TRPM3: variants seen among roughly 807,000 people sequenced by gnomAD.
TRPM3 encodes transient receptor potential cation channel subfamily M member 3.
TRPM3 carries 77 observed loss-of-function variants against 181.2 expected under a neutral mutation model. The observed-to-expected ratio is 0.42, with a 90% CI of 0.35 to 0.51. The LOEUF (loss-of-function observed/expected upper bound fraction) is 0.51. Ranked by LOEUF, TRPM3 falls within the 20% of genes least tolerant of loss-of-function variation. The pLI is 0.01. For missense variants in TRPM3, 1,759 were observed against 2,196.7 expected (o/e 0.80, Z 3.98); for synonymous variants, 745 against 796.4 (o/e 0.94, Z 1.09).
intron 1 of TRPM3, among the ~76,000 whole-genome samples, chr9:71,368,100 A>C (rs971358325): frequency 4.1e-5 from 6 of 147,718 alleles, no homozygotes; most frequent in Non-Finnish European, 4.5e-5. Flanking sequence ...GGTTACACCT[A>C]AACATCTGAA....
intron 3 of TRPM3, among the ~76,000 whole-genome samples, chr9:70,857,684 G>A (rs1054313370): frequency 2.6e-5 from 4 of 152,290 alleles, no homozygotes; most frequent in Admixed American, 6.5e-5. Context: ...GAACTATGTT[G>A]TTAAATAACT....
intron 1 of TRPM3, among the ~76,000 whole-genome samples, chr9:70,956,027 A>G (rs1387855454): frequency 6.6e-6 from 1 of 152,154 alleles, no homozygotes; most frequent in African/African-American, 2.4e-5. Flanking sequence ...ATGAGTTTTT[A>G]TATCAGAGGA....
At chr9:71,087,139 C>T (rs116991093) in intron 1 of TRPM3, among the ~76,000 whole-genome samples, 1 of 152,092 alleles carries the variant, frequency 6.6e-6, no homozygotes, top group Non-Finnish European at 1.5e-5. Flanking sequence ...AGACCCTCAT[C>T]CCTCAGCAAG....
At chr9:71,138,257 T>G (rs2074889170) in intron 1 of TRPM3, among the ~76,000 whole-genome samples, 1 of 152,208 alleles carries the variant, frequency 6.6e-6, no homozygotes, top group Admixed American at 6.5e-5. Context: ...AAGGTCTCTA[T>G]GGCAACTTTC....
chr9:71,318,588 T>C (rs898818750), intron 1 of TRPM3, among the ~76,000 whole-genome samples: 3 of 152,158 alleles, frequency 2.0e-5, no homozygotes, highest in African/African-American at 7.2e-5. Flanking sequence ...ACTAACAATC[T>C]GTAACCATAA....
intron 1 of TRPM3, among the ~76,000 whole-genome samples, chr9:70,982,131 C>A (rs1306697492): frequency 6.6e-6 from 1 of 152,196 alleles, no homozygotes; most frequent in South Asian, 2.1e-4. Flanking sequence ...CAAATATTTT[C>A]TTTTCCTTCT....
intron 1 of TRPM3, among the ~76,000 whole-genome samples, chr9:70,979,576 A>C (rs764590755): frequency 1.8e-4 from 27 of 152,168 alleles, no homozygotes; most frequent in Non-Finnish European, 2.9e-4. Flanking sequence ...GGTGTAAGTA[A>C]TTTAAATTGA....
chr9:70,683,246 G>T (rs536600502), intron 8 of TRPM3, among the ~76,000 whole-genome samples: 2 of 151,878 alleles, frequency 1.3e-5, no homozygotes, highest in Non-Finnish European at 2.9e-5. Context: ...TTGAGACAAG[G>T]TCTTTTTCTG....
In TRPM3 at chr9:70,615,941, T is replaced by C; in HGVS notation, c.2493A>G (p.Thr831=). 1.2e-6 allele frequency: 2 copies of C among 1,612,338 alleles called. No homozygotes were observed. The highest frequency in any genetic ancestry group is 1.7e-6 in the Non-Finnish European group (2 of 1,179,374). ...CCATGTCCTCTTCCTCTTTTTCCTT[T>C]GTGGGCTTCTCTGGTTCTTCTGCCT... ...EKEAEEPEKP[T]KEKEEEDMEL... The change falls in exon 18 of 26, where the codon ACA becomes ACG. Residue 831 remains threonine, a synonymous_variant. Coordinates refer to ENST00000677713, the MANE Select transcript of TRPM3 (RefSeq NM_001366145.2).
intron 9 of TRPM3, among the ~76,000 whole-genome samples, chr9:70,664,967 G>A (rs1043540827): frequency 1.3e-5 from 2 of 152,046 alleles, no homozygotes; most frequent in South Asian, 2.1e-4. Context: ...TACCTCTCAC[G>A]CCCTCCCAGG....
At chr9:71,408,508 T>C (rs890192864) in intron 1 of TRPM3, among the ~76,000 whole-genome samples, 5 of 152,048 alleles carry the variant, frequency 3.3e-5, no homozygotes, top group Admixed American at 2.0e-4. Context: ...GTATCAGTGA[T>C]TGAAGATCAA....
intron 1 of TRPM3, among the ~76,000 whole-genome samples, chr9:71,235,855 T>A (rs2081323682): frequency 6.6e-6 from 1 of 152,240 alleles, no homozygotes; most frequent in Non-Finnish European, 1.5e-5. Context: ...ATATTGCTTC[T>A]GTATTATCCC....
At chr9:71,294,489 GA>G (rs1367054327) in intron 1 of TRPM3, among the ~76,000 whole-genome samples, 2 of 152,018 alleles carry the variant, frequency 1.3e-5, no homozygotes, top group African/African-American at 2.4e-5. Context: ...TATTGAGGAG[GA>G]TATAAAGCTC....
chr9:70,924,668 G>A lies in TRPM3; in HGVS notation c.178-60157C>T, dbSNP rs142960114. 3.4e-3 allele frequency among the ~76,000 whole-genome samples: 525 copies of A among 152,218 alleles called. 3 individuals carry two copies. The highest frequency in any genetic ancestry group is 0.011 in the African/African-American group (460 of 41,544). On this transcript the variant is annotated intron_variant, in intron 1 of 25. Transcript: ENST00000677713. ...TCTCTGGCAGCATATTAGAATACTC[G>A]TCAGGCCAGCTCGGTTTCTACCATA...
intron 1 of TRPM3, among the ~76,000 whole-genome samples, chr9:71,060,837 A>C (rs1223612302): frequency 6.6e-6 from 1 of 152,126 alleles, no homozygotes; most frequent in African/African-American, 2.4e-5. Flanking sequence ...TGCAAACAAC[A>C]TAAGCTTGGT....
At chr9:70,678,380 GC>G (rs1237065456) in intron 9 of TRPM3, among the ~76,000 whole-genome samples, 1 of 152,054 alleles carries the variant, frequency 6.6e-6, no homozygotes, top group Non-Finnish European at 1.5e-5. Flanking sequence ...TGCTACTCCC[GC>G]CTCAACCTCC....
At chr9:71,103,060 G>A (rs938815421) in intron 1 of TRPM3, among the ~76,000 whole-genome samples, 2 of 152,040 alleles carry the variant, frequency 1.3e-5, no homozygotes, top group Non-Finnish European at 2.9e-5. Context: ...TTGCTTTTTA[G>A]TTTAAGTAAA....
intron 1 of TRPM3, among the ~76,000 whole-genome samples, chr9:70,959,728 T>A (rs909340127): frequency 8.5e-5 from 13 of 152,180 alleles, no homozygotes; most frequent in Non-Finnish European, 1.8e-4. Context: ...AAATAACTCT[T>A]CCGCACCATT....
intron 1 of TRPM3, among the ~76,000 whole-genome samples, chr9:71,069,756 A>C (rs1021740296): frequency 4.6e-5 from 7 of 151,842 alleles, no homozygotes; most frequent in Admixed American, 4.6e-4. Flanking sequence ...TTACAGGTAC[A>C]CACCACCACA....
Sources: allele counts gnomAD v4.1 joint callset (sites outside exome capture counted in the v4.1 genomes callset), GRCh38; gene constraint gnomAD v4.1.1; transcripts MANE v1.5; gene names NCBI Gene and HGNC (gene_info 2026-07-23, HGNC 2026-07-21).